The following FAM120C variants were observed in gnomAD, a reference collection of about 807,000 sequenced individuals.
FAM120C encodes family with sequence similarity 120 member C.
A neutral mutation model predicts 71.2 loss-of-function variants in FAM120C; 14 were observed. That is an observed-to-expected ratio of 0.20 (90% CI 0.13 to 0.31). The LOEUF (loss-of-function observed/expected upper bound fraction) is 0.31. FAM120C is among the 10% of genes least tolerant of loss of function. The probability of loss-of-function intolerance (pLI) is 1.00; values close to 1 mark genes in which losing one functional copy is unlikely to be tolerated. For missense variants in FAM120C, 500 were observed against 879.0 expected, an observed-to-expected ratio of 0.57 and a Z score of 5.45; for synonymous variants, 354 against 353.2, an observed-to-expected ratio of 1.00 and a Z score of -0.03.
chrX:54,179,154 G>A (rs1002879696), intron 1 of FAM120C, among the ~76,000 whole-genome samples: 2 of 111,989 alleles, frequency 1.8e-5, no homozygotes, highest in African/African-American at 6.5e-5. Flanking sequence ...GCTTTGCAGA[G>A]CATATAAATG....
rs782472291 is a variant in FAM120C at position 54,068,782 on chromosome X, A to C, written c.*4251T>G. On this transcript the variant is annotated 3_prime_UTR_variant, in exon 16 of 16. Coordinates refer to ENST00000375180, the MANE Select transcript of FAM120C (RefSeq NM_017848.6). The stretch of plus-strand genomic sequence containing the variant: ...TTATTCTAAAAACAGAATAGAACAG[A>C]ATAGAACAGAATAGAATAGAATAGA... 2.9e-5 allele frequency: 2 copies of C among 69,670 alleles called. No homozygotes were observed. Among genetic ancestry groups the C allele is most frequent in the East Asian group, 7.5e-4 (2 of 2,673 alleles). 5.7% of individuals were successfully genotyped at this position (69,670 alleles called of 1,213,427 possible).
chrX:54,180,245 T>C (rs1471080426), intron 1 of FAM120C, among the ~76,000 whole-genome samples: 1 of 112,234 alleles, frequency 8.9e-6, no homozygotes, highest in Non-Finnish European at 1.9e-5. Context: ...AACTGGCTAT[T>C]CGGGTCTCCA....
At chrX:54,158,335 T>G (rs782228240) in intron 2 of FAM120C, among the ~76,000 whole-genome samples, 2 of 112,454 alleles carry the variant, frequency 1.8e-5, no homozygotes, top group African/African-American at 3.2e-5. Flanking sequence ...CTCCACTATA[T>G]TATCCAAACT....
chrX:54,074,727 A>C lies in FAM120C; in HGVS notation c.3037-1440T>G, dbSNP rs782666303. Reference sequence around the variant, plus strand: ...CACAGAATCTTTCATAACTAAAAACAATCACCTGGTTTTTGTAAATCCCAG... The same window carrying C: ...CACAGAATCTTTCATAACTAAAAACCATCACCTGGTTTTTGTAAATCCCAG... On this transcript the variant is annotated intron_variant, in intron 15 of 15. Coordinates refer to ENST00000375180, the MANE Select transcript of FAM120C (RefSeq NM_017848.6). Among the ~76,000 whole-genome samples, 35 of 112,950 alleles carry C rather than the reference A, an allele frequency of 3.1e-4. No homozygotes were observed. In the South Asian group the frequency reaches 0.012, roughly 40 times the overall value.
chrX:54,176,748 T>C (rs1218436758), intron 1 of FAM120C, among the ~76,000 whole-genome samples: 3 of 112,139 alleles, frequency 2.7e-5, no homozygotes, highest in African/African-American at 9.7e-5. Context: ...CCCTCTGTAG[T>C]GATTCAGTCA....
At chrX:54,155,342 G>A (rs2067204380) in intron 3 of FAM120C, among the ~76,000 whole-genome samples, 1 of 112,211 alleles carries the variant, frequency 8.9e-6, no homozygotes, top group South Asian at 3.7e-4. Context: ...GGCAGTCAGC[G>A]AGGTAGGAAG....
chrX:54,143,300 G>T (rs1446016729), intron 4 of FAM120C, among the ~76,000 whole-genome samples: 1 of 90,462 alleles, frequency 1.1e-5, no homozygotes, highest in Non-Finnish European at 2.2e-5. Flanking sequence ...CAGAAGGCAA[G>T]AAATAACTAA....
chrX:54,118,253 A>C (rs1259627976), intron 9 of FAM120C, among the ~76,000 whole-genome samples: 1 of 109,700 alleles, frequency 9.1e-6, no homozygotes, highest in Non-Finnish European at 1.9e-5. Context: ...TGGCATTTTC[A>C]CTCAGCATAT....
At chrX:54,134,278 T>C (rs899186244) in intron 7 of FAM120C, among the ~76,000 whole-genome samples, 2 of 111,445 alleles carry the variant, frequency 1.8e-5, no homozygotes, top group Admixed American at 1.9e-4. Flanking sequence ...TCTGGACCCT[T>C]TATACCTTGT....
At chrX:54,131,612 A>G (rs782056987) in intron 9 of FAM120C, among the ~76,000 whole-genome samples, 73 of 110,612 alleles carry the variant, frequency 6.6e-4, no homozygotes, top group African/African-American at 2.2e-3. Context: ...CTAATTTTGT[A>G]TTTTGGGTAG....
intron 1 of FAM120C, 127 bp from the exon 2 acceptor site, chrX:54,159,743 T>G: frequency 1.5e-6 from 1 of 670,957 alleles, no homozygotes; most frequent in Non-Finnish European, 2.1e-6. Flanking sequence ...GAACAGAACA[T>G]TCTTTTAACA....
intron 1 of FAM120C, among the ~76,000 whole-genome samples, chrX:54,164,086 C>G (rs782706657): frequency 6.3e-5 from 7 of 110,460 alleles, no homozygotes; most frequent in Non-Finnish European, 1.3e-4. Context: ...CACATGCCAC[C>G]AGGTCCGGCT....
intron 10 of FAM120C, among the ~76,000 whole-genome samples, chrX:54,106,242 T>C (rs2066906583): frequency 9.0e-6 from 1 of 111,255 alleles, no homozygotes; most frequent in Non-Finnish European, 1.9e-5. Flanking sequence ...ACAGAGGCCT[T>C]ACAAATAACA....
At position 54,069,369 on chromosome X, in the gene FAM120C, G is replaced by T. The variant is rs1266285415; in HGVS notation, c.*3664C>A. ...ATTTAGGAAATATGCACCAGGAAGT[G>T]AACAAGTATAATGATTAAACCTTAG... is the stretch of plus-strand genomic sequence containing the variant. On this transcript the variant is annotated 3_prime_UTR_variant, in exon 16 of 16. Coordinates refer to ENST00000375180, the MANE Select transcript of FAM120C (RefSeq NM_017848.6). 2.7e-5 allele frequency: 3 copies of T among 110,360 alleles called. No homozygotes were observed. Among genetic ancestry groups the T allele is most frequent in the African/African-American group, 9.9e-5 (3 of 30,313 alleles). The allele number at this position is 110,360 out of a possible 1,213,427, so 9.1% of individuals were successfully genotyped here.
At chrX:54,085,397 G>A (rs2066788900) in intron 13 of FAM120C, among the ~76,000 whole-genome samples, 2 of 111,815 alleles carry the variant, frequency 1.8e-5, no homozygotes, top group Admixed American at 9.6e-5. Flanking sequence ...AGACCAGCCT[G>A]ACCAACATGG....
At chrX:54,147,090 C>T (rs782267282) in intron 4 of FAM120C, among the ~76,000 whole-genome samples, 10 of 109,597 alleles carry the variant, frequency 9.1e-5, no homozygotes, top group Non-Finnish European at 1.5e-4. Context: ...CCGAGGCGGA[C>T]GGATCACCTG....
At chrX:54,096,654 G>T (rs1489506778) in intron 10 of FAM120C, among the ~76,000 whole-genome samples, 2 of 111,272 alleles carry the variant, frequency 1.8e-5, no homozygotes, top group South Asian at 3.7e-4. Flanking sequence ...CAGCATGTGG[G>T]TGTATCAGTT....
intron 9 of FAM120C, among the ~76,000 whole-genome samples, chrX:54,124,667 A>G (rs782059773): frequency 8.5e-5 from 9 of 105,952 alleles, no homozygotes; most frequent in African/African-American, 3.1e-4. Flanking sequence ...AAATGCAGAA[A>G]TCACCCGTCT....
chrX:54,080,405 C>A, intron 14 of FAM120C, 116 bp from the exon 15 acceptor site: 1 of 549,361 alleles, frequency 1.8e-6, no homozygotes, highest in East Asian at 3.3e-5. Context: ...TCAGATGCCC[C>A]TTCTCAGTGT....
Sources: allele counts gnomAD v4.1 joint callset (sites outside exome capture counted in the v4.1 genomes callset), GRCh38; gene constraint gnomAD v4.1.1; transcripts MANE v1.5; gene names NCBI Gene and HGNC (gene_info 2026-07-23, HGNC 2026-07-21).